UGT1A5: variants seen among roughly 807,000 people sequenced by gnomAD.
UGT1A5 encodes the protein UDP glucuronosyltransferase family 1 member A5.
Under a neutral mutation model 40.3 loss-of-function variants are expected in UGT1A5, and 29 were observed. The observed-to-expected ratio is 0.72, with a 90% CI of 0.54 to 0.98. The LOEUF is 0.98. Among genes scored for constraint, UGT1A5 ranks in the 50% least tolerant of loss-of-function variants. The pLI, the probability that UGT1A5 is intolerant of heterozygous loss-of-function variation, is 0.00. For missense variants in UGT1A5, 678 were observed against 677.9 expected (o/e 1.00, Z 0.00); for synonymous variants, 257 against 262.5 (o/e 0.98, Z 0.20).
rs34358487 is a variant in UGT1A5, at chr2:233,769,432, CAT to C, written c.1307+994_1307+995del. The C allele has an allele frequency of 1.6e-5, 25 of 1,545,990 alleles. No homozygotes were observed. In the East Asian group the frequency reaches 1.8e-4, roughly 11 times the overall value. ...GTGCGTTTGTGCATGTGGCTGTGCT[CAT>C]GTGTGGGTGCACACGTGTGCATTCA... On this transcript the variant is annotated intron_variant, in intron 4 of 4. Coordinates refer to ENST00000373414, the MANE Select transcript of UGT1A5 (RefSeq NM_019078.2). The surrounding 1 kb of genome is among the most constrained non-coding windows in gnomAD (Gnocchi z 4.4).
chr2:233,742,937 T>C (rs1692142343), intron 1 of UGT1A5: 1 of 214,468 alleles, frequency 4.7e-6, no homozygotes, highest in African/African-American at 2.4e-5. Context: ...CATTCTGTCC[T>C]ACCACTAGCA....
Position 233,743,622 on chromosome 2 carries a change from C to T in UGT1A5, c.868-23412C>T, listed in dbSNP as rs146398257. On this transcript the variant is annotated intron_variant, in intron 1 of 4. Coordinates refer to ENST00000373414, the MANE Select transcript of UGT1A5 (RefSeq NM_019078.2). ...TGGCCGCCGAAGAACTCCCTGAAGACGTCGGCTGGGTCGCGGAAGCTGAAG... is the reference window on the plus strand; with the variant it reads ...TGGCCGCCGAAGAACTCCCTGAAGATGTCGGCTGGGTCGCGGAAGCTGAAG... 1.1e-3 allele frequency: 1,535 copies of T among 1,367,328 alleles called. 50 individuals are homozygous for T. In the African/African-American group the frequency reaches 0.021, roughly 19 times the overall value. 84.7% of individuals were successfully genotyped at this position (1,367,328 alleles called of 1,614,324 possible). A position where few individuals can be genotyped will look rare whatever the true frequency, so the allele number is the denominator to read the frequency against.
At chr2:233,724,344 C>CCT (rs2077230748) in intron 1 of UGT1A5, among the ~76,000 whole-genome samples, 1 of 144,934 alleles carries the variant, frequency 6.9e-6, no homozygotes, top group African/African-American at 2.5e-5. Context: ...GGGCTGACCC[C>CCT]CCCCACCTCC....
intron 1 of UGT1A5, among the ~76,000 whole-genome samples, chr2:233,714,888 A>ATCTTTTTTATTT (rs148944858): frequency 1.7e-4 from 26 of 151,790 alleles, no homozygotes; most frequent in Non-Finnish European, 2.9e-4. Flanking sequence ...AAATTTTTCT[A>ATCTTTTTTATTT]TCTTTTGAGA....
intron 1 of UGT1A5, among the ~76,000 whole-genome samples, chr2:233,715,287 A>G (rs1325168484): frequency 6.6e-6 from 1 of 152,128 alleles, no homozygotes; most frequent in East Asian, 1.9e-4. Context: ...CTCCAGTTAT[A>G]TTTTGGCTCT....
At position 233,772,420 on chromosome 2, in the gene UGT1A5, C is replaced by G. The variant is rs72551360; in HGVS notation, c.1466C>G (p.Ser489Cys). Residue 489 changes from serine (S) to cysteine (C), a missense_variant, in exon 5 of 5, where the codon TCC becomes TGC. Ser to Cys is a moderately radical substitution (Grantham distance 112, BLOSUM62 -1). Coordinates refer to ENST00000373414, the MANE Select transcript of UGT1A5 (RefSeq NM_019078.2). ...GACCTCACCTGGTACCAGTACCATTCCTTGGACGTGATTGGTTTCCTCTTG... is the reference window on the plus strand; with the variant it reads ...GACCTCACCTGGTACCAGTACCATTGCTTGGACGTGATTGGTTTCCTCTTG... ...AHDLTWYQYH[S>C]LDVIGFLLAV... is the part of the protein sequence containing the mutation. The G allele has an allele frequency of 1.2e-6, 2 of 1,614,120 alleles. No homozygotes were observed. Among genetic ancestry groups the G allele is most frequent in the African/African-American group, 2.7e-5 (2 of 74,942 alleles).
chr2:233,747,202 T>A (rs1693588071), intron 1 of UGT1A5: 1 of 1,604,794 alleles, frequency 6.2e-7, no homozygotes, highest in South Asian at 1.1e-5. Flanking sequence ...GCTGTCCGTG[T>A]CTTCTGCTGA....
At chr2:233,732,018 C>A (rs1393703380) in intron 1 of UGT1A5, among the ~76,000 whole-genome samples, 1 of 152,210 alleles carries the variant, frequency 6.6e-6, no homozygotes, top group East Asian at 1.9e-4. Context: ...TTTTGATTTG[C>A]ATTTCTCTGA....
In UGT1A5 at chr2:233,714,784, C is replaced by T. The variant is rs564838268; in HGVS notation, c.867+926C>T. Among the ~76,000 whole-genome samples, 4 of 152,314 alleles carry T rather than the reference C, an allele frequency of 2.6e-5. No individual in the cohort carries two copies. The East Asian group carries it at 7.7e-4, about 29-fold the overall frequency. ...AGTATATCTCAATTTGGAATAGCCA[C>T]ATTTCAAGTGCTCAATATTCATATG... is the stretch of plus-strand genomic sequence containing the variant. On this transcript the variant is annotated intron_variant, in intron 1 of 4. Coordinates refer to ENST00000373414, the MANE Select transcript of UGT1A5 (RefSeq NM_019078.2).
chr2:233,740,547 G>A (rs1575636319), intron 1 of UGT1A5: 1 of 151,824 alleles, frequency 6.6e-6, no homozygotes, highest in African/African-American at 2.4e-5. Flanking sequence ...ACTCCAGCCA[G>A]AAAAAATGTC....
At chr2:233,772,229 T>C in intron 4 of UGT1A5, 33 bp from the exon 5 acceptor site, 1 of 1,613,724 alleles carries the variant, frequency 6.2e-7, no homozygotes, top group Non-Finnish European at 8.5e-7. Context: ...ACCACAGGTG[T>C]TCCAGGCATA....
chr2:233,729,144 G>C, intron 1 of UGT1A5: 1 of 1,613,472 alleles, frequency 6.2e-7, no homozygotes, highest in Non-Finnish European at 8.5e-7. Flanking sequence ...CAGGACTCCA[G>C]GTTCCCCTGC....
chr2:233,748,008 C>T (rs1238805175), intron 1 of UGT1A5: 21 of 1,613,360 alleles, frequency 1.3e-5, no homozygotes, highest in Non-Finnish European at 1.8e-5. Context: ...GATGGATTAC[C>T]CCAGGCCGAT....
Position 233,772,276 on chromosome 2 carries a change from T to C in UGT1A5, c.1322T>C (p.Ile441Thr). 6.2e-7 allele frequency: 1 copy of C among 1,614,240 alleles called. No homozygotes were observed. The highest frequency in any genetic ancestry group is 8.5e-7 in the Non-Finnish European group (1 of 1,180,050). ...VINDKSYKEN[I>T]MRLSSLHKDR... ...TTTGTGTTTAGTTACAAGGAGAACA[T>C]CATGCGCCTCTCCAGCCTTCACAAG... The change falls in exon 5 of 5, where the codon ATC (isoleucine) becomes ACC (threonine). Residue 441 changes from isoleucine to threonine, a missense_variant. By Grantham distance (89) the Ile-to-Thr change is moderately conservative. Coordinates refer to ENST00000373414, the MANE Select transcript of UGT1A5 (RefSeq NM_019078.2).
At chr2:233,749,418 G>A (rs971310619) in intron 1 of UGT1A5, among the ~76,000 whole-genome samples, 1 of 151,768 alleles carries the variant, frequency 6.6e-6, no homozygotes, top group Non-Finnish European at 1.5e-5. Flanking sequence ...TAACTACATT[G>A]CTCAAAACTT....
rs143031439 is a variant in UGT1A5 at position 233,719,079 on chromosome 2, A to G, written c.867+5221A>G. ...AGCCTATGCTGTTCCATGGACCCAG[A>G]AGGAATTTGATCGCGTTACGCTGGG... On this transcript the variant is annotated intron_variant, in intron 1 of 4. Coordinates refer to ENST00000373414, the MANE Select transcript of UGT1A5 (RefSeq NM_019078.2). 42 of 1,614,102 alleles carry G rather than the reference A, an allele frequency of 2.6e-5. No homozygotes were observed. In the East Asian group the frequency reaches 3.3e-4, roughly 13 times the overall value.
chr2:233,737,590 T>C (rs2078898142), intron 1 of UGT1A5, among the ~76,000 whole-genome samples: 1 of 152,212 alleles, frequency 6.6e-6, no homozygotes, highest in Non-Finnish European at 1.5e-5. Context: ...CCCAATGAGA[T>C]GAACCAGGTA....
In UGT1A5 at chr2:233,760,982, C is replaced by A. The variant is rs147640261; in HGVS notation, c.868-6052C>A. Reference sequence around the variant, plus strand: ...GACGTGGTTTATTCCCCGTATGCAACCCTTGCCTCAGAATTCCTTCAGAGA... The same window carrying A: ...GACGTGGTTTATTCCCCGTATGCAAACCTTGCCTCAGAATTCCTTCAGAGA... On this transcript the variant is annotated intron_variant, in intron 1 of 4. Transcript: ENST00000373414. The A allele has an allele frequency of 1.9e-6, 3 of 1,614,220 alleles. No individual in the cohort carries two copies. The highest frequency in any genetic ancestry group is 2.7e-5 in the African/African-American group (2 of 75,052).
Position 233,740,507 on chromosome 2 carries a change from T to C in UGT1A5, c.868-26527T>C, listed in dbSNP as rs1011982264. ...CTTCCAGATGCTTTCCAGTGTGTGA[T>C]GTAAGCTGAACTAAAATCAGCTGTG... On this transcript the variant is annotated intron_variant, in intron 1 of 4. Coordinates refer to ENST00000373414, the MANE Select transcript of UGT1A5 (RefSeq NM_019078.2). Among the ~76,000 whole-genome samples the C allele has an allele frequency of 1.6e-4, 24 of 151,884 alleles. 2 individuals carry two copies. Among genetic ancestry groups the C allele is most frequent in the African/African-American group, 5.6e-4 (23 of 41,150 alleles).
Sources: gnomAD v4.1 joint callset for allele counts (sites outside exome capture counted in the v4.1 genomes callset) on GRCh38, gnomAD v4.1.1 for gene constraint, Gnocchi (gnomAD v3.1) non-coding constraint, MANE v1.5 for transcripts, NCBI Gene and HGNC (gene_info 2026-07-23, HGNC 2026-07-21) for gene names.